Variants in GNAQ observed in about 807,000 individuals in gnomAD.
GNAQ encodes the protein guanine nucleotide-binding protein G(q) subunit alpha.
A neutral mutation model predicts 43.9 loss-of-function variants in GNAQ; 8 were observed. The ratio of observed to expected loss-of-function variants is 0.18; its 90% CI spans 0.11 to 0.33. The LOEUF is 0.33. Among genes scored for constraint, GNAQ ranks in the 10% least tolerant of loss-of-function variants. GNAQ has a pLI of 1.00. For missense variants in GNAQ, 158 were observed against 450.8 expected, an observed-to-expected ratio of 0.35 and a Z score of 5.88; for synonymous variants, 155 against 170.7, an observed-to-expected ratio of 0.91 and a Z score of 0.71.
At chr9:77,762,326 C>T (rs1186785642) in intron 5 of GNAQ, among the ~76,000 whole-genome samples, 5 of 146,134 alleles carry the variant, frequency 3.4e-5, no homozygotes, top group African/African-American at 1.0e-4. Context: ...CCCGGCCAGC[C>T]GCCCCACCTG....
rs146375934 is a variant in GNAQ, at chr9:77,887,512, A to G, written c.321+34649T>C. 1.8e-3 allele frequency among the ~76,000 whole-genome samples: 280 copies of G among 152,322 alleles called. 2 individuals are homozygous for G. Among genetic ancestry groups the G allele is most frequent in the African/African-American group, 6.3e-3 (261 of 41,582 alleles). On this transcript the variant is annotated intron_variant, in intron 2 of 6. Transcript: ENST00000286548. ...CCATACATTTCTATCTCAAAAGACA[A>G]TAAGAGGTTCTGCAGTTCTATATGT...
At chr9:77,913,726 T>C (rs1442877123) in intron 2 of GNAQ, among the ~76,000 whole-genome samples, 1 of 152,160 alleles carries the variant, frequency 6.6e-6, no homozygotes, top group Non-Finnish European at 1.5e-5. Context: ...GAAGTCAGGA[T>C]AGTGGTCATC....
chr9:77,803,959 T>G (rs1554717065), intron 3 of GNAQ, among the ~76,000 whole-genome samples: 1 of 152,210 alleles, frequency 6.6e-6, no homozygotes, highest in Non-Finnish European at 1.5e-5. Context: ...AAACAGGACA[T>G]AATCCACTAC....
chr9:77,949,539 C>T (rs1822951142), intron 1 of GNAQ, among the ~76,000 whole-genome samples: 1 of 152,154 alleles, frequency 6.6e-6, no homozygotes, highest in Non-Finnish European at 1.5e-5. Flanking sequence ...AGTCCCAAAG[C>T]CCTTGGTTGG....
intron 5 of GNAQ, among the ~76,000 whole-genome samples, chr9:77,747,340 C>A (rs756836666): frequency 7.9e-5 from 12 of 152,126 alleles, no homozygotes; most frequent in Non-Finnish European, 1.6e-4. Flanking sequence ...TGATAAATGT[C>A]ACAGAGAAAA....
intron 2 of GNAQ, among the ~76,000 whole-genome samples, chr9:77,898,685 A>G (rs931140569): frequency 1.3e-5 from 2 of 152,210 alleles, no homozygotes; most frequent in African/African-American, 4.8e-5. Flanking sequence ...TAGAGAATAC[A>G]ATTTATAGCA....
intron 2 of GNAQ, among the ~76,000 whole-genome samples, chr9:77,840,691 A>G (rs1827475993): frequency 6.6e-6 from 1 of 152,218 alleles, no homozygotes; most frequent in South Asian, 2.1e-4. Context: ...TCTGAATCAA[A>G]TACTTTAAAA....
intron 3 of GNAQ, among the ~76,000 whole-genome samples, chr9:77,809,033 T>C (rs552696941): frequency 2.6e-5 from 4 of 152,324 alleles, no homozygotes; most frequent in Middle Eastern, 3.4e-3. Context: ...CTAAGTTAGC[T>C]GGATGTGTTA....
chr9:77,986,313 G>A (rs1430470152), intron 1 of GNAQ, among the ~76,000 whole-genome samples: 10 of 152,102 alleles, frequency 6.6e-5, no homozygotes, highest in Non-Finnish European at 1.3e-4. Flanking sequence ...TCACAGTATT[G>A]TGCACCCTGG....
At chr9:77,890,443 G>A (rs1194703523) in intron 2 of GNAQ, among the ~76,000 whole-genome samples, 1 of 152,186 alleles carries the variant, frequency 6.6e-6, no homozygotes, top group Non-Finnish European at 1.5e-5. Context: ...GCATTGCAAG[G>A]CTGGGCACAG....
intron 2 of GNAQ, among the ~76,000 whole-genome samples, chr9:77,911,956 A>G (rs927274317): frequency 5.9e-5 from 9 of 152,228 alleles, no homozygotes; most frequent in African/African-American, 1.9e-4. Flanking sequence ...ATAAGGAAAT[A>G]AACCGAGGCC....
intron 3 of GNAQ, among the ~76,000 whole-genome samples, chr9:77,798,370 A>G (rs1444187640): frequency 2.6e-5 from 4 of 152,218 alleles, no homozygotes; most frequent in African/African-American, 9.6e-5. Context: ...AAAATATTAC[A>G]GAACATTTCC....
At chr9:77,877,925 T>C (rs1828150228) in intron 2 of GNAQ, among the ~76,000 whole-genome samples, 2 of 152,136 alleles carry the variant, frequency 1.3e-5, no homozygotes, top group South Asian at 4.1e-4. Flanking sequence ...TCCACTCCAC[T>C]GACTAAAACT....
intron 2 of GNAQ, among the ~76,000 whole-genome samples, chr9:77,872,647 T>C (rs1477381540): frequency 6.6e-6 from 1 of 152,186 alleles, no homozygotes; most frequent in Non-Finnish European, 1.5e-5. Context: ...GTGACTGGCA[T>C]GGAAGAGATT....
At chr9:77,913,186 A>G (rs904678685) in intron 2 of GNAQ, among the ~76,000 whole-genome samples, 1 of 152,118 alleles carries the variant, frequency 6.6e-6, no homozygotes, top group Non-Finnish European at 1.5e-5. Context: ...TGCTAGATAC[A>G]TACTCCAAAG....
intron 1 of GNAQ, among the ~76,000 whole-genome samples, chr9:77,968,960 T>C (rs956408715): frequency 6.6e-6 from 1 of 152,248 alleles, no homozygotes; most frequent in Non-Finnish European, 1.5e-5. Flanking sequence ...TAATGGACAG[T>C]GCTCTTCTGC....
chr9:77,997,666 T>C (rs563809978), intron 1 of GNAQ, among the ~76,000 whole-genome samples: 4 of 152,008 alleles, frequency 2.6e-5, no homozygotes, highest in Non-Finnish European at 5.9e-5. Context: ...GCCACATCAA[T>C]AAATGTAGGA....
intron 1 of GNAQ, among the ~76,000 whole-genome samples, chr9:77,984,049 C>CAAAAAAAAAAAAAA (rs72279886): frequency 1.8e-4 from 12 of 67,964 alleles, no homozygotes; most frequent in African/African-American, 6.1e-4. Context: ...TTTTGGAGAG[C>CAAAAAAAAAAAAAA]AAAAAAAAAA....
At chr9:77,809,448 T>A (rs1387817398) in intron 3 of GNAQ, among the ~76,000 whole-genome samples, 1 of 152,148 alleles carries the variant, frequency 6.6e-6, no homozygotes, top group Non-Finnish European at 1.5e-5. Flanking sequence ...GATTTCTCAG[T>A]ATATTAAAGC....
Sources: allele counts gnomAD v4.1 joint callset (sites outside exome capture counted in the v4.1 genomes callset), GRCh38; gene constraint gnomAD v4.1.1; transcripts MANE v1.5; gene names NCBI Gene and HGNC (gene_info 2026-07-23, HGNC 2026-07-21).